ACBD6: variants seen among roughly 807,000 people sequenced by gnomAD.
ACBD6 encodes the protein acyl-CoA-binding domain-containing protein 6.
ACBD6 carries 28 observed loss-of-function variants against 37.2 expected under a neutral mutation model. That is an observed-to-expected ratio of 0.75 (90% CI 0.56 to 1.03). The LOEUF (loss-of-function observed/expected upper bound fraction) is 1.03. Among genes scored for constraint, ACBD6 ranks in the 50% least tolerant of loss-of-function variants. The probability of loss-of-function intolerance (pLI) is 0.00; values close to 1 mark genes in which losing one functional copy is unlikely to be tolerated. For synonymous variants in ACBD6, 113 were observed against 126.8 expected (o/e 0.89, Z 0.73); for missense variants, 340 against 337.4 (o/e 1.01, Z -0.06).
At chr1:180,494,877 T>A (rs1307669246) in intron 2 of ACBD6, among the ~76,000 whole-genome samples, 1 of 152,194 alleles carries the variant, frequency 6.6e-6, no homozygotes, top group Non-Finnish European at 1.5e-5. Flanking sequence ...TAAAAAAGTT[T>A]GCAAAAGTAT....
intron 6 of ACBD6, among the ~76,000 whole-genome samples, chr1:180,391,487 C>A (rs1654075761): frequency 6.7e-6 from 1 of 148,486 alleles, no homozygotes; most frequent in Admixed American, 6.8e-5. Context: ...TAAAAATAAG[C>A]ACAAAATCTG....
Position 180,421,276 on chromosome 1 carries a change from C to G in ACBD6, c.468-7805G>C, listed in dbSNP as rs555096003. Among the ~76,000 whole-genome samples, 6 of 152,296 alleles carry G rather than the reference C, an allele frequency of 3.9e-5. No individual in the cohort carries two copies. In the East Asian group the frequency reaches 1.2e-3, roughly 29 times the overall value. Reference sequence around the variant, plus strand: ...GTGAGAACATGTGGTGTTTGGTTTTCTCTTCCTGTGTTAGTTTACTAAGGA... The same window carrying G: ...GTGAGAACATGTGGTGTTTGGTTTTGTCTTCCTGTGTTAGTTTACTAAGGA... On this transcript the variant is annotated intron_variant, in intron 4 of 7. Coordinates refer to ENST00000367595, the MANE Select transcript of ACBD6 (RefSeq NM_032360.4).
chr1:180,485,782 A>G (rs573885043), intron 3 of ACBD6, among the ~76,000 whole-genome samples: 177 of 152,260 alleles, frequency 1.2e-3, no homozygotes, highest in African/African-American at 3.8e-3. Context: ...GAAAATGCTC[A>G]ATGATGGGGA....
intron 5 of ACBD6, among the ~76,000 whole-genome samples, chr1:180,412,788 C>T (rs7532806): frequency 0.49 from 73,877 of 151,968 alleles, 20,789 homozygotes; most frequent in South Asian, 0.66. Context: ...ATTGCGTAAG[C>T]CCATGGGTTT....
chr1:180,291,021 G>T (rs1192710281), intron 7 of ACBD6, among the ~76,000 whole-genome samples: 1 of 152,140 alleles, frequency 6.6e-6, no homozygotes, highest in Non-Finnish European at 1.5e-5. Flanking sequence ...ATAGTCTTTT[G>T]TATCTGGTCT....
At chr1:180,310,770 C>T (rs1255447838) in intron 7 of ACBD6, among the ~76,000 whole-genome samples, 1 of 152,162 alleles carries the variant, frequency 6.6e-6, no homozygotes, top group Non-Finnish European at 1.5e-5. Flanking sequence ...TAACAGTTGA[C>T]ACTCTCATCA....
intron 6 of ACBD6, among the ~76,000 whole-genome samples, chr1:180,363,552 G>A (rs16855910): frequency 0.043 from 6,606 of 152,150 alleles, 451 homozygotes; most frequent in African/African-American, 0.14. Context: ...AAAATGTAAC[G>A]GGCAAAGCAA....
chr1:180,480,141 C>A (rs1322687471), intron 3 of ACBD6, among the ~76,000 whole-genome samples: 2 of 152,026 alleles, frequency 1.3e-5, no homozygotes, highest in African/African-American at 2.4e-5. Flanking sequence ...GCTAATTTAG[C>A]CTGTGAGTAA....
chr1:180,308,731 G>A (rs1442815173), intron 7 of ACBD6, among the ~76,000 whole-genome samples: 1 of 152,102 alleles, frequency 6.6e-6, no homozygotes, highest in Non-Finnish European at 1.5e-5. Flanking sequence ...TTATTTCCAG[G>A]TTGCGTTGGC....
At chr1:180,276,173 G>C (rs1649015220) in intron 9 of ACBD6, 1 of 152,270 alleles carries the variant, frequency 6.6e-6, no homozygotes, top group Non-Finnish European at 1.5e-5. Flanking sequence ...CCTATCACAT[G>C]AAGTGATGGG....
chr1:180,498,995 CA>C (rs927705480), intron 1 of ACBD6, among the ~76,000 whole-genome samples: 1 of 151,884 alleles, frequency 6.6e-6, no homozygotes, highest in African/African-American at 2.4e-5. Flanking sequence ...AAAGAAGGAC[CA>C]AAAAATTGTT....
intron 3 of ACBD6, among the ~76,000 whole-genome samples, chr1:180,489,663 G>GTT (rs972690125): frequency 1.4e-5 from 2 of 144,424 alleles, no homozygotes; most frequent in African/African-American, 2.5e-5. Context: ...TCTGCAAGTC[G>GTT]TTTTTTTTTT....
At chr1:180,356,162 C>A (rs747918495) in intron 6 of ACBD6, among the ~76,000 whole-genome samples, 1 of 143,316 alleles carries the variant, frequency 7.0e-6, no homozygotes, top group Non-Finnish European at 1.5e-5. Flanking sequence ...CGTGAGCCAC[C>A]GTGCCTGGCC....
chr1:180,279,477 T>C (rs1189693898), intron 9 of ACBD6, among the ~76,000 whole-genome samples: 1 of 152,158 alleles, frequency 6.6e-6, no homozygotes, highest in Non-Finnish European at 1.5e-5. Context: ...TTTGTATTTT[T>C]AGTAGAGACG....
intron 6 of ACBD6, among the ~76,000 whole-genome samples, chr1:180,380,237 A>T (rs958189401): frequency 6.6e-6 from 1 of 151,884 alleles, no homozygotes; most frequent in Non-Finnish European, 1.5e-5. Flanking sequence ...TGACACAGTG[A>T]GATCATGTGG....
chr1:180,282,554 A>G (rs951873542), intron 8 of ACBD6, among the ~76,000 whole-genome samples: 2 of 152,162 alleles, frequency 1.3e-5, no homozygotes, highest in African/African-American at 4.8e-5. Flanking sequence ...AAACATCCAT[A>G]AAGTTGACAG....
chr1:180,500,222 G>C lies in ACBD6; in HGVS notation c.222+1823C>G, dbSNP rs540056482. On this transcript the variant is annotated intron_variant, in intron 1 of 7. Coordinates refer to ENST00000367595, the MANE Select transcript of ACBD6 (RefSeq NM_032360.4). ...AGGGGAAAATACGTAACTATGTCAA[G>C]AGGCAAAAAGAAAAAAAGTTTACAC... Among the ~76,000 whole-genome samples, 75 of 150,618 alleles carry C rather than the reference G, an allele frequency of 5.0e-4. No individual in the cohort carries two copies. The South Asian group carries it at 5.3e-3, about 11-fold the overall frequency.
At chr1:180,333,979 C>A (rs998968268) in intron 6 of ACBD6, among the ~76,000 whole-genome samples, 1 of 152,308 alleles carries the variant, frequency 6.6e-6, no homozygotes, top group South Asian at 2.1e-4. Context: ...GGGGCGCCTG[C>A]CATTGCCGAG....
chr1:180,316,074 C>T (rs886683369), intron 6 of ACBD6, among the ~76,000 whole-genome samples: 2 of 151,976 alleles, frequency 1.3e-5, no homozygotes, highest in African/African-American at 4.8e-5. Context: ...TTATCTTGCT[C>T]CCCTTTGACC....
Sources: gnomAD v4.1 joint callset for allele counts (sites outside exome capture counted in the v4.1 genomes callset) on GRCh38, gnomAD v4.1.1 for gene constraint, MANE v1.5 for transcripts, NCBI Gene and HGNC (gene_info 2026-07-23, HGNC 2026-07-21) for gene names.